LIN54: variants seen among roughly 807,000 people sequenced by gnomAD.
LIN54 encodes the protein protein lin-54 homolog.
Under a neutral mutation model 78.7 loss-of-function variants are expected in LIN54, and 9 were observed. That is an observed-to-expected ratio of 0.11 (90% CI 0.07 to 0.20). The LOEUF is 0.20. LIN54 is among the 10% of genes least tolerant of loss of function. The pLI, the probability that LIN54 is intolerant of heterozygous loss-of-function variation, is 1.00. For missense variants in LIN54, 573 were observed against 889.9 expected (o/e 0.64, Z 4.53); for synonymous variants, 269 against 318.4 (o/e 0.84, Z 1.65).
rs70943176 is a variant in LIN54, at chr4:82,979,939, C to CAAAAAAAAAAAAA, written c.685-946_685-934dup. Among the ~76,000 whole-genome samples the CAAAAAAAAAAAAA allele has an allele frequency of 4.6e-3, 227 of 49,812 alleles. 17 individuals carry two copies. Among genetic ancestry groups the CAAAAAAAAAAAAA allele is most frequent in the Admixed American group, 6.1e-3 (19 of 3,108 alleles). 32.7% of individuals were successfully genotyped at this position (49,812 alleles called of 152,430 possible). On this transcript the variant is annotated intron_variant, in intron 2 of 12. Transcript: ENST00000340417. ...TGACAGAGTGAGTGAGACTCTGTCT[C>CAAAAAAAAAAAAA]AAAAAAAAAAAAAAAAAAAAAAAAA... is the stretch of plus-strand genomic sequence containing the variant.
At chr4:82,985,704 C>A (rs1727074372) in intron 1 of LIN54, among the ~76,000 whole-genome samples, 1 of 152,186 alleles carries the variant, frequency 6.6e-6, no homozygotes, top group Non-Finnish European at 1.5e-5. Context: ...CCAAGCCGGG[C>A]TAATTTTTGT....
intron 3 of LIN54, among the ~76,000 whole-genome samples, chr4:82,976,931 A>G (rs1407505423): frequency 6.6e-6 from 1 of 152,212 alleles, no homozygotes; most frequent in East Asian, 1.9e-4. Context: ...TAACAGAAGT[A>G]TATCTCTATG....
At chr4:82,984,936 T>C (rs1294983639) in intron 1 of LIN54, 60 bp from the exon 2 acceptor site, 12 of 1,244,030 alleles carry the variant, frequency 9.6e-6, no homozygotes, top group Non-Finnish European at 1.2e-5. Flanking sequence ...AAGAAAAAAA[T>C]TCAAAAAAAA....
At chr4:82,951,584 A>AT (rs1723848157) in intron 4 of LIN54, among the ~76,000 whole-genome samples, 1 of 152,324 alleles carries the variant, frequency 6.6e-6, no homozygotes, top group African/African-American at 2.4e-5. Flanking sequence ...AAAGGAATAC[A>AT]TTTTTAAAAA....
intron 4 of LIN54, among the ~76,000 whole-genome samples, chr4:82,963,950 C>A (rs548508797): frequency 6.6e-6 from 1 of 152,076 alleles, no homozygotes; most frequent in Non-Finnish European, 1.5e-5. Context: ...TCTAATAGTT[C>A]CATAGTAAAT....
intron 12 of LIN54, among the ~76,000 whole-genome samples, chr4:82,928,784 G>C (rs773694821): frequency 6.6e-6 from 1 of 152,182 alleles, no homozygotes; most frequent in Non-Finnish European, 1.5e-5. Context: ...GAAAAATAAA[G>C]CACTTTACCA....
intron 11 of LIN54, 52 bp downstream of exon 11, chr4:82,935,929 C>A: frequency 6.4e-7 from 1 of 1,558,742 alleles, no homozygotes; most frequent in Non-Finnish European, 8.8e-7. Context: ...TGTAGTAGGT[C>A]CTTTCTAAAA....
chr4:83,007,802 T>C (rs1314418708), intron 1 of LIN54, among the ~76,000 whole-genome samples: 2 of 152,088 alleles, frequency 1.3e-5, no homozygotes, highest in African/African-American at 4.8e-5. Flanking sequence ...GGTGGGATTA[T>C]CACTTGAGCC....
chr4:82,968,072 C>T (rs1404785281), intron 4 of LIN54, among the ~76,000 whole-genome samples: 19 of 149,578 alleles, frequency 1.3e-4, no homozygotes, highest in Admixed American at 9.3e-4. Context: ...ACAAGAGTTT[C>T]GCTTTTGTTG....
intron 1 of LIN54, among the ~76,000 whole-genome samples, chr4:83,004,242 C>CA (rs1729105451): frequency 6.6e-6 from 1 of 150,976 alleles, no homozygotes; most frequent in African/African-American, 2.4e-5. Context: ...CTAAAAATAC[C>CA]AAAAAAATTA....
At chr4:82,941,229 A>G (rs1722859676) in intron 5 of LIN54, among the ~76,000 whole-genome samples, 1 of 150,882 alleles carries the variant, frequency 6.6e-6, no homozygotes, top group Non-Finnish European at 1.5e-5. Flanking sequence ...CAGTATTGAG[A>G]TGGGCCCCAA....
At chr4:82,941,917 T>C (rs1052103753) in intron 5 of LIN54, among the ~76,000 whole-genome samples, 1 of 152,222 alleles carries the variant, frequency 6.6e-6, no homozygotes, top group African/African-American at 2.4e-5. Flanking sequence ...ACTAGACATA[T>C]ACATTTGGAC....
chr4:82,998,685 G>C lies in LIN54; in HGVS notation c.-33+11799C>G, dbSNP rs141705470. Among the ~76,000 whole-genome samples, 715 of 151,974 alleles carry C rather than the reference G, an allele frequency of 4.7e-3. 10 individuals are homozygous for C. The highest frequency in any genetic ancestry group is 0.016 in the African/African-American group (671 of 41,460). ...GAATCTGAGTGTTTAGTTGATCTTT[G>C]AACAGGGTCCACTTACACGCATTTT... On this transcript the variant is annotated intron_variant, in intron 1 of 12. Transcript: ENST00000340417.
At chr4:82,999,797 G>GAAAAT (rs1560792522) in intron 1 of LIN54, among the ~76,000 whole-genome samples, 24 of 137,664 alleles carry the variant, frequency 1.7e-4, no homozygotes, top group South Asian at 4.4e-4. Context: ...AAAAAAAAAG[G>GAAAAT]CAAGAAAACA....
chr4:82,941,153 T>TATATATAG (rs1722838012), intron 5 of LIN54, among the ~76,000 whole-genome samples: 3 of 143,996 alleles, frequency 2.1e-5, no homozygotes, highest in African/African-American at 7.6e-5. Flanking sequence ...TAAGAGGATA[T>TATATATAG]ATATATATAT....
At position 83,000,827 on chromosome 4, in the gene LIN54, C is replaced by CTTTTTTTCTT. The variant is rs528409899; in HGVS notation, c.-33+9656_-33+9657insAAGAAAAAAA. 2.5e-5 allele frequency among the ~76,000 whole-genome samples: 3 copies of CTTTTTTTCTT among 120,538 alleles called. 1 individual carries two copies. Among genetic ancestry groups the CTTTTTTTCTT allele is most frequent in the Admixed American group, 9.3e-5 (1 of 10,702 alleles). The allele number at this position is 120,538 out of a possible 152,430, so 79.1% of individuals were successfully genotyped here. A position where few individuals can be genotyped will look rare whatever the true frequency, so the allele number is the denominator to read the frequency against. On this transcript the variant is annotated intron_variant, in intron 1 of 12. Transcript: ENST00000340417. ...GCCATCAAGCCCAAAGCAATAAATT[C>CTTTTTTTCTT]TTTTTTTTTTTTTGGAGATAGAGTC...
chr4:82,973,856 T>TA (rs1211027856), intron 3 of LIN54, among the ~76,000 whole-genome samples: 1 of 152,232 alleles, frequency 6.6e-6, no homozygotes, highest in African/African-American at 2.4e-5. Context: ...TGTATCACTA[T>TA]AGTGCCTCCA....
intron 5 of LIN54, among the ~76,000 whole-genome samples, chr4:82,942,890 ACACCCT>A: frequency 7.2e-6 from 1 of 138,778 alleles, no homozygotes; most frequent in South Asian, 2.4e-4. Context: ...ACACACACAC[ACACCCT>A]CCCTCCCTCC....
intron 12 of LIN54, among the ~76,000 whole-genome samples, chr4:82,929,238 C>G (rs1721745399): frequency 6.6e-6 from 1 of 152,008 alleles, no homozygotes. Flanking sequence ...GCTAGCATAA[C>G]TTTTTTTATA....
Sources: allele counts gnomAD v4.1 joint callset (sites outside exome capture counted in the v4.1 genomes callset), GRCh38; gene constraint gnomAD v4.1.1; transcripts MANE v1.5; gene names NCBI Gene and HGNC (gene_info 2026-07-23, HGNC 2026-07-21).